IPCEF1: variants seen among roughly 807,000 people sequenced by gnomAD.
IPCEF1 encodes the protein interaction protein for cytohesin exchange factors 1.
A neutral mutation model predicts 50.9 loss-of-function variants in IPCEF1; 31 were observed. That is an observed-to-expected ratio of 0.61 (90% CI 0.46 to 0.82). The LOEUF is 0.82. IPCEF1 is among the 40% of genes least tolerant of loss of function. IPCEF1 has a pLI of 0.00. For missense variants in IPCEF1, 458 were observed against 514.0 expected (o/e 0.89, Z 1.05); for synonymous variants, 181 against 192.0 (o/e 0.94, Z 0.47).
chr6:154,184,880 T>G (rs2128573022), intron 10 of IPCEF1, among the ~76,000 whole-genome samples: 1 of 150,856 alleles, frequency 6.6e-6, no homozygotes, highest in African/African-American at 2.4e-5. Context: ...CAGATAAAAA[T>G]AAACTCTTGC....
At chr6:154,241,627 C>A (rs1166319996) in intron 5 of IPCEF1, among the ~76,000 whole-genome samples, 1 of 152,114 alleles carries the variant, frequency 6.6e-6, no homozygotes, top group Non-Finnish European at 1.5e-5. Context: ...TTGCGTAGTG[C>A]GCCCTACATT....
intron 1 of IPCEF1, among the ~76,000 whole-genome samples, chr6:154,356,444 A>G (rs1167124644): frequency 6.6e-6 from 1 of 152,180 alleles, no homozygotes; most frequent in Non-Finnish European, 1.5e-5. Flanking sequence ...AGAAACATAA[A>G]AGCAGAGTGA....
chr6:154,347,611 T>A (rs1224707876), intron 1 of IPCEF1, among the ~76,000 whole-genome samples: 1 of 152,228 alleles, frequency 6.6e-6, no homozygotes. Context: ...GCAAAAGTAG[T>A]TGCAGGTTTT....
At chr6:154,304,475 A>G (rs985155502) in intron 1 of IPCEF1, among the ~76,000 whole-genome samples, 1 of 146,892 alleles carries the variant, frequency 6.8e-6, no homozygotes, top group East Asian at 2.1e-4. Flanking sequence ...CATCTCATTC[A>G]TCTGTGTTCC....
chr6:154,340,163 G>GGCGCCT (rs1329932178), intron 1 of IPCEF1, among the ~76,000 whole-genome samples: 22 of 152,258 alleles, frequency 1.4e-4, no homozygotes, highest in African/African-American at 5.1e-4. Context: ...ATGCGCGCCC[G>GGCGCCT]TGACACAGCC....
intron 1 of IPCEF1, among the ~76,000 whole-genome samples, chr6:154,293,624 C>T (rs1782566927): frequency 6.6e-6 from 1 of 152,196 alleles, no homozygotes; most frequent in Non-Finnish European, 1.5e-5. Flanking sequence ...CAGGAACAGA[C>T]TCCTGAAAAA....
At chr6:154,230,532 A>G (rs1307883696) in intron 5 of IPCEF1, among the ~76,000 whole-genome samples, 3 of 152,230 alleles carry the variant, frequency 2.0e-5, no homozygotes, top group Non-Finnish European at 4.4e-5. Context: ...CTTCTTAGGT[A>G]CCTACACATG....
intron 11 of IPCEF1, among the ~76,000 whole-genome samples, chr6:154,165,282 A>T (rs137891242): frequency 1.7e-3 from 256 of 152,234 alleles, no homozygotes; most frequent in African/African-American, 5.8e-3. Flanking sequence ...CTCCATTCAC[A>T]TCCCCTCTCA....
intron 10 of IPCEF1, among the ~76,000 whole-genome samples, chr6:154,186,019 T>C (rs917664025): frequency 3.3e-5 from 5 of 152,242 alleles, no homozygotes; most frequent in African/African-American, 7.2e-5. Flanking sequence ...CTATCAATAT[T>C]GGGGCACCCC....
rs556283778 is a variant in IPCEF1 at position 154,297,533 on chromosome 6, C to T, written c.-61-7777G>A. 9.8e-5 allele frequency among the ~76,000 whole-genome samples: 15 copies of T among 152,342 alleles called. No individual in the cohort carries two copies. The South Asian group carries it at 1.2e-3, about 13-fold the overall frequency. ...GTGGCTCTGCCAATAACTACAGCAT[C>T]TATTCCACTTTTTAGAAAACTATGT... is the stretch of plus-strand genomic sequence containing the variant. On this transcript the variant is annotated intron_variant, in intron 1 of 11. Coordinates refer to ENST00000367220, the MANE Select transcript of IPCEF1 (RefSeq NM_001130700.2).
At chr6:154,184,924 A>G (rs994446564) in intron 10 of IPCEF1, among the ~76,000 whole-genome samples, 4 of 152,070 alleles carry the variant, frequency 2.6e-5, no homozygotes, top group African/African-American at 9.7e-5. Context: ...AATGTGTCAC[A>G]AGAAACAAAC....
intron 1 of IPCEF1, among the ~76,000 whole-genome samples, chr6:154,339,548 C>T (rs1403149625): frequency 6.6e-6 from 1 of 151,684 alleles, no homozygotes; most frequent in East Asian, 1.9e-4. Flanking sequence ...GGTGGGATTA[C>T]AGGCATGAGC....
intron 9 of IPCEF1, among the ~76,000 whole-genome samples, chr6:154,206,231 A>G (rs1228178342): frequency 6.6e-6 from 1 of 152,232 alleles, no homozygotes. Context: ...AGCTATGTGT[A>G]TTTCTCTGGA....
chr6:154,269,138 A>G (rs1224548126), intron 2 of IPCEF1, among the ~76,000 whole-genome samples: 1 of 152,218 alleles, frequency 6.6e-6, no homozygotes, highest in Non-Finnish European at 1.5e-5. Flanking sequence ...ATATTTGTTG[A>G]GTAAATGAAT....
At chr6:154,276,022 A>G (rs1782047581) in intron 2 of IPCEF1, among the ~76,000 whole-genome samples, 1 of 152,084 alleles carries the variant, frequency 6.6e-6, no homozygotes, top group South Asian at 2.1e-4. Flanking sequence ...TCTACTAAAA[A>G]TACCAAAAAA....
At position 154,270,581 on chromosome 6, in the gene IPCEF1, T is replaced by C. The variant is rs183858782; in HGVS notation, c.-17-4617A>G. Among the ~76,000 whole-genome samples, 317 of 152,356 alleles carry C rather than the reference T, an allele frequency of 2.1e-3. 1 individual carries two copies. The highest frequency in any genetic ancestry group is 7.3e-3 in the African/African-American group (303 of 41,582). On this transcript the variant is annotated intron_variant, in intron 2 of 11. Transcript: ENST00000367220. ...TGTAGTATATCATATTAATGCTTGT[T>C]AAATTATGTACCAATAATAATTGTA...
chr6:154,296,866 C>T (rs914926116), intron 1 of IPCEF1, among the ~76,000 whole-genome samples: 1 of 151,664 alleles, frequency 6.6e-6, no homozygotes, highest in Non-Finnish European at 1.5e-5. Context: ...GAATATCATC[C>T]TCAACGGTTT....
At chr6:154,294,994 C>G (rs187879911) in intron 1 of IPCEF1, among the ~76,000 whole-genome samples, 8 of 152,106 alleles carry the variant, frequency 5.3e-5, no homozygotes, top group Non-Finnish European at 8.8e-5. Flanking sequence ...GTCAGGAGAT[C>G]GAGACCAGCC....
chr6:154,282,198 T>A (rs74935851), intron 2 of IPCEF1, among the ~76,000 whole-genome samples: 8,230 of 152,032 alleles, frequency 0.054, 312 homozygotes, highest in African/African-American at 0.1. Flanking sequence ...ATAAATAAAA[T>A]AAATGGTTTT....
Sources: allele counts gnomAD v4.1 joint callset (sites outside exome capture counted in the v4.1 genomes callset), GRCh38; gene constraint gnomAD v4.1.1; transcripts MANE v1.5; gene names NCBI Gene and HGNC (gene_info 2026-07-23, HGNC 2026-07-21).